The following CSMD3 variants were observed in gnomAD, a reference collection of about 807,000 sequenced individuals.
The protein encoded by CSMD3 is CUB and Sushi multiple domains 3.
CSMD3 carries 177 observed loss-of-function variants against 435.2 expected under a neutral mutation model. That is an observed-to-expected ratio of 0.41 (90% CI 0.36 to 0.46). The LOEUF is 0.46. CSMD3 is among the 20% of genes least tolerant of loss of function. The pLI is 0.34. For synonymous variants in CSMD3, 1,656 were observed against 1,520.5 expected (o/e 1.09, Z -2.07); for missense variants, 4,265 against 4,504.6 (o/e 0.95, Z 1.52).
chr8:113,061,285 T>C (rs2088601684), intron 5 of CSMD3, among the ~76,000 whole-genome samples: 1 of 152,142 alleles, frequency 6.6e-6, no homozygotes, highest in African/African-American at 2.4e-5. Flanking sequence ...GGTTCTGCTA[T>C]ATAGGAAAAG....
intron 30 of CSMD3, 28 bp from the exon 31 acceptor site, chr8:112,492,711 A>G: frequency 6.3e-7 from 1 of 1,584,932 alleles, no homozygotes; most frequent in Non-Finnish European, 8.7e-7. Flanking sequence ...TATAACATTA[A>G]TTGCTTTAAA....
intron 5 of CSMD3, among the ~76,000 whole-genome samples, chr8:113,050,729 CTCTGATTGTTGTTG>C (rs1456993560): frequency 2.0e-5 from 3 of 151,968 alleles, no homozygotes; most frequent in African/African-American, 7.2e-5. Context: ...AGAGACTGCT[CTCTGATTGTTGTTG>C]TCTAACTGGC....
Position 113,047,244 on chromosome 8 carries a change from T to C in CSMD3, c.918-28065A>G, listed in dbSNP as rs545879643. On this transcript the variant is annotated intron_variant, in intron 5 of 70. Coordinates refer to ENST00000297405, the MANE Select transcript of CSMD3 (RefSeq NM_198123.2). The stretch of plus-strand genomic sequence containing the variant: ...TATTTAATTACCATTTCTTCACTTA[T>C]ATTTCTTGTCTATCTCTTACTTAAA... 8.5e-5 allele frequency among the ~76,000 whole-genome samples: 13 copies of C among 152,358 alleles called. 1 individual carries two copies. Among genetic ancestry groups the C allele is most frequent in the Admixed American group, 5.2e-4 (8 of 15,312 alleles).
chr8:113,271,283 A>G (rs1414216632), intron 3 of CSMD3, among the ~76,000 whole-genome samples: 2 of 152,142 alleles, frequency 1.3e-5, no homozygotes, highest in East Asian at 3.9e-4. Context: ...CCCCAAGACA[A>G]TGGGGAAAAT....
chr8:112,458,123 A>G (rs1817025307), intron 32 of CSMD3, among the ~76,000 whole-genome samples: 1 of 151,968 alleles, frequency 6.6e-6, no homozygotes, highest in Non-Finnish European at 1.5e-5. Context: ...CTTTGATCAC[A>G]AAGAGATGAC....
intron 4 of CSMD3, among the ~76,000 whole-genome samples, chr8:113,153,125 G>GAA (rs760951695): frequency 0.021 from 1,240 of 58,938 alleles, 42 homozygotes; most frequent in East Asian, 0.094. Flanking sequence ...AAGAAAGAAA[G>GAA]AGAAAGAAGG....
intron 5 of CSMD3, among the ~76,000 whole-genome samples, chr8:113,079,249 G>A (rs2089462742): frequency 6.6e-6 from 1 of 152,030 alleles, no homozygotes; most frequent in African/African-American, 2.4e-5. Flanking sequence ...ATACATAATG[G>A]TAGAAAAATG....
chr8:113,047,835 G>C (rs2087902103), intron 5 of CSMD3, among the ~76,000 whole-genome samples: 1 of 152,148 alleles, frequency 6.6e-6, no homozygotes, highest in Non-Finnish European at 1.5e-5. Context: ...ATAGGTCTGG[G>C]TGTGTGTCAC....
At chr8:113,383,040 C>CA (rs78682207) in intron 1 of CSMD3, among the ~76,000 whole-genome samples, 27,011 of 151,964 alleles carry the variant, frequency 0.18, 3,406 homozygotes, top group East Asian at 0.36. Context: ...TAGAATTTCA[C>CA]AGAGGATAGA....
chr8:113,301,795 A>C (rs2093770459), intron 2 of CSMD3, among the ~76,000 whole-genome samples: 1 of 152,052 alleles, frequency 6.6e-6, no homozygotes, highest in African/African-American at 2.4e-5. Context: ...TAACTTTATA[A>C]CATCAAACTT....
chr8:113,408,263 A>G (rs535107562), intron 1 of CSMD3, among the ~76,000 whole-genome samples: 1 of 152,302 alleles, frequency 6.6e-6, no homozygotes, highest in Admixed American at 6.5e-5. Context: ...CATGTTCACT[A>G]TTGTTATAAT....
intron 19 of CSMD3, among the ~76,000 whole-genome samples, chr8:112,647,596 G>A (rs1466722714): frequency 1.3e-5 from 2 of 152,050 alleles, no homozygotes; most frequent in Non-Finnish European, 2.9e-5. Context: ...GTAAGCCACC[G>A]CACCAGGCCT....
chr8:113,231,700 G>A (rs2093089279), intron 3 of CSMD3, among the ~76,000 whole-genome samples: 1 of 151,420 alleles, frequency 6.6e-6, no homozygotes, highest in Non-Finnish European at 1.5e-5. Flanking sequence ...CTTTCTGACA[G>A]GCAGAGATAG....
chr8:112,294,168 G>A (rs1258149501), intron 54 of CSMD3, among the ~76,000 whole-genome samples: 1 of 151,916 alleles, frequency 6.6e-6, no homozygotes, highest in Admixed American at 6.6e-5. Context: ...CATGAAACTA[G>A]ATGTTCTATT....
chr8:113,223,110 A>T (rs1316640692), intron 3 of CSMD3, among the ~76,000 whole-genome samples: 1 of 150,656 alleles, frequency 6.6e-6, no homozygotes, highest in Non-Finnish European at 1.5e-5. Flanking sequence ...AGGTCATTTT[A>T]ATATTTACTC....
chr8:113,198,723 G>A (rs889313726), intron 3 of CSMD3, among the ~76,000 whole-genome samples: 1 of 151,242 alleles, frequency 6.6e-6, no homozygotes, highest in East Asian at 2.0e-4. Context: ...CCTTAAAGAA[G>A]TAGAGGAAGT....
At chr8:112,258,559 A>G (rs1185095364) in intron 61 of CSMD3, among the ~76,000 whole-genome samples, 1 of 152,212 alleles carries the variant, frequency 6.6e-6, no homozygotes, top group Non-Finnish European at 1.5e-5. Context: ...GAGAAATGCA[A>G]CTCAAAACCA....
chr8:113,340,585 G>C (rs1563721326), intron 1 of CSMD3, among the ~76,000 whole-genome samples: 1 of 151,942 alleles, frequency 6.6e-6, no homozygotes, highest in Non-Finnish European at 1.5e-5. Context: ...CTGATGAAAG[G>C]GTTTGTTTGC....
chr8:112,385,778 G>A (rs1829887514), intron 36 of CSMD3, among the ~76,000 whole-genome samples: 1 of 152,136 alleles, frequency 6.6e-6, no homozygotes, highest in Non-Finnish European at 1.5e-5. Flanking sequence ...ATTGAGAGTA[G>A]TGGGGTAGCA....
Sources: allele counts gnomAD v4.1 joint callset (sites outside exome capture counted in the v4.1 genomes callset), GRCh38; gene constraint gnomAD v4.1.1; transcripts MANE v1.5; gene names NCBI Gene and HGNC (gene_info 2026-07-23, HGNC 2026-07-21).